The following SLC38A7 variants were observed in gnomAD, a reference collection of about 807,000 sequenced individuals.
SLC38A7 encodes the protein sodium-coupled neutral amino acid transporter 7.
A neutral mutation model predicts 50.1 loss-of-function variants in SLC38A7; 29 were observed. The ratio of observed to expected loss-of-function variants is 0.58; its 90% CI spans 0.43 to 0.79. The LOEUF (loss-of-function observed/expected upper bound fraction) is 0.79. SLC38A7 is among the 30% of genes least tolerant of loss of function. SLC38A7 has a pLI of 0.00. For missense variants in SLC38A7, 483 were observed against 610.6 expected, an observed-to-expected ratio of 0.79 and a Z score of 2.20; for synonymous variants, 244 against 245.9, an observed-to-expected ratio of 0.99 and a Z score of 0.07.
At position 58,675,949 on chromosome 16, in the gene SLC38A7, T is replaced by G. The variant is rs1452958448; in HGVS notation, c.874A>C (p.Met292Leu). Reference sequence around the variant, plus strand: ...GGGGGGGAGCACTCACCTGTCCCCATGTAGACAGCGAGGGCTATGACCATG... The same window carrying G: ...GGGGGGGAGCACTCACCTGTCCCCAGGTAGACAGCGAGGGCTATGACCATG... ...AAMVIALAVY[M>L]GTGICGFLTF... The change falls in exon 8 of 12, where the codon ATG becomes CTG. Residue 292 changes from methionine to leucine, a missense_variant. Met to Leu is a conservative substitution (Grantham distance 15). Coordinates refer to ENST00000219320, the MANE Select transcript of SLC38A7 (RefSeq NM_018231.3). 6.2e-7 allele frequency: 1 copy of G among 1,610,990 alleles called. No individual in the cohort carries two copies. The highest frequency in any genetic ancestry group is 8.5e-7 in the Non-Finnish European group (1 of 1,178,514).
chr16:58,671,238 C>T lies in SLC38A7; in HGVS notation c.1038G>A (p.Val346=), dbSNP rs374922123. The change falls in exon 10 of 12, where the codon GTG becomes GTA. Residue 346 remains valine (V), a synonymous_variant. Coordinates refer to ENST00000219320, the MANE Select transcript of SLC38A7 (RefSeq NM_018231.3). ...GGTAGCGCAGCCACAGGCCTTCCAC[C>T]ACCGCCCTGCCCACATGGAGAAGGG... is the stretch of plus-strand genomic sequence containing the variant. The part of the protein sequence containing the change: ...YPILHFCGRA[V]VEGLWLRYQG... The T allele has an allele frequency of 2.2e-5, 36 of 1,613,482 alleles. No homozygotes were observed. The highest frequency in any genetic ancestry group is 3.1e-5 in the Non-Finnish European group (36 of 1,179,780).
rs1017796822 is a variant in SLC38A7, at chr16:58,672,317, C to G, written c.884-74G>C. 27 of 1,454,088 alleles carry G rather than the reference C, an allele frequency of 1.9e-5. No individual in the cohort carries two copies. In the South Asian group the frequency reaches 2.1e-4, roughly 12 times the overall value. 90.1% of individuals were successfully genotyped at this position (1,454,088 alleles called of 1,614,324 possible). On this transcript the variant is annotated intron_variant, in intron 8 of 11. Coordinates refer to ENST00000219320, the MANE Select transcript of SLC38A7 (RefSeq NM_018231.3). ...GTGGACTGTCCACTCCTCCTAGGAG[C>G]AACATCAGCCTGGAGGCTGCAGCAG... is the stretch of plus-strand genomic sequence containing the variant.
chr16:58,675,925 G>GA lies in SLC38A7; in HGVS notation c.883+14_883+15insT. ...AGCACTCTAGTCCCAGGTCTTGGGG[G>GA]GGGGGAGCACTCACCTGTCCCCATG... On this transcript the variant is annotated intron_variant, in intron 8 of 11. Coordinates refer to ENST00000219320, the MANE Select transcript of SLC38A7 (RefSeq NM_018231.3). 1 of 1,589,294 alleles carries GA rather than the reference G, an allele frequency of 6.3e-7. No homozygotes were observed. Among genetic ancestry groups the GA allele is most frequent in the Non-Finnish European group, 8.6e-7 (1 of 1,163,902 alleles).
Position 58,665,951 on chromosome 16 carries a change from T to A in SLC38A7, c.*1434A>T, listed in dbSNP as rs917956561. 3 of 152,398 alleles carry A rather than the reference T, an allele frequency of 2.0e-5. No homozygotes were observed. The highest frequency in any genetic ancestry group is 7.2e-5 in the African/African-American group (3 of 41,448). 9.4% of individuals were successfully genotyped at this position (152,398 alleles called of 1,614,324 possible). ...TGAAGTGAGATGGGAGGTGAAGAGG[T>A]AACGGGGTGAGGGGGAAGGAAGGAG... On this transcript the variant is annotated 3_prime_UTR_variant, in exon 12 of 12. Coordinates refer to ENST00000219320, the MANE Select transcript of SLC38A7 (RefSeq NM_018231.3).
chr16:58,669,103 CTTTTTTTTTTTTTTTT>C (rs71155293), intron 11 of SLC38A7, among the ~76,000 whole-genome samples: 1 of 54,594 alleles, frequency 1.8e-5, no homozygotes, highest in Non-Finnish European at 3.1e-5. Context: ...GTTTGTATGG[CTTTTTTTTTTTTTTTT>C]TTTTTTTTTT....
chr16:58,681,755 T>G (rs2044392396), intron 2 of SLC38A7: 1 of 152,192 alleles, frequency 6.6e-6, no homozygotes. Flanking sequence ...ACTCAATAAA[T>G]GGTCACTGCT....
At chr16:58,670,212 C>T (rs775179420) in intron 10 of SLC38A7, 45 bp from the exon 11 acceptor site, 1 of 1,566,580 alleles carries the variant, frequency 6.4e-7, no homozygotes, top group Non-Finnish European at 8.8e-7. Context: ...GGGGAGAGGG[C>T]TCCCTCCCTC....
Position 58,678,853 on chromosome 16 carries a change from G to A in SLC38A7, c.312C>T (p.Ala104=). 1 of 1,614,116 alleles carries A rather than the reference G, an allele frequency of 6.2e-7. No individual in the cohort carries two copies. Among genetic ancestry groups the A allele is most frequent in the Non-Finnish European group, 8.5e-7 (1 of 1,180,048 alleles). ...TCTCATTGCTGGCCTGGGAGCAGTA[G>A]GCCAGGATGACAAGGCCACTGATGA... is the stretch of plus-strand genomic sequence containing the variant. ...VFIISGLVIL[A]YCSQASNERT... Residue 104 remains alanine, a synonymous_variant, in exon 4 of 12, where the codon GCC becomes GCT. Transcript: ENST00000219320. This position sits in a 1 kb window ranked among gnomAD's most constrained non-coding sequence, Gnocchi z 4.0.
chr16:58,667,639 G>A, intron 11 of SLC38A7, 152 bp from the exon 12 acceptor site: 1 of 570,254 alleles, frequency 1.8e-6, no homozygotes, highest in Non-Finnish European at 2.9e-6. Flanking sequence ...CAAAGGTAGT[G>A]TGGGGCCAGG....
At chr16:58,669,071 AT>A (rs919889078) in intron 11 of SLC38A7, among the ~76,000 whole-genome samples, 18 of 109,044 alleles carry the variant, frequency 1.7e-4, no homozygotes, top group African/African-American at 4.9e-4. Flanking sequence ...TGCCTGGCCA[AT>A]TTTTTTTCTT....
chr16:58,670,766 G>A (rs1249843056), intron 10 of SLC38A7, among the ~76,000 whole-genome samples: 1 of 152,238 alleles, frequency 6.6e-6, no homozygotes, highest in Non-Finnish European at 1.5e-5. Context: ...CCCAGACAGC[G>A]TGGGATGGAA....
At chr16:58,674,687 T>G (rs1035139921) in intron 8 of SLC38A7, among the ~76,000 whole-genome samples, 1 of 152,152 alleles carries the variant, frequency 6.6e-6, no homozygotes, top group African/African-American at 2.4e-5. Context: ...ACAGGCTTAT[T>G]TTCTGTCTCC....
intron 8 of SLC38A7, among the ~76,000 whole-genome samples, chr16:58,674,274 C>T (rs902616181): frequency 1.3e-5 from 2 of 152,060 alleles, no homozygotes; most frequent in African/African-American, 4.8e-5. Context: ...TGTCCCCTAA[C>T]ACTCATTTCT....
intron 3 of SLC38A7, 45 bp downstream of exon 3, chr16:58,679,812 C>T (rs1362760500): frequency 1.9e-6 from 3 of 1,609,350 alleles, no homozygotes; most frequent in South Asian, 1.1e-5. Context: ...TGAGGCAAAG[C>T]GCCCAACTGA....
chr16:58,670,254 G>A (rs1567469464), intron 10 of SLC38A7, 87 bp from the exon 11 acceptor site: 1 of 1,314,208 alleles, frequency 7.6e-7, no homozygotes, highest in Non-Finnish European at 1.1e-6. Flanking sequence ...AAGCAGTGCT[G>A]GATGGAGAAA....
At chr16:58,674,956 C>G (rs1314432574) in intron 8 of SLC38A7, among the ~76,000 whole-genome samples, 1 of 152,136 alleles carries the variant, frequency 6.6e-6, no homozygotes, top group East Asian at 1.9e-4. Flanking sequence ...TCCCAGCAGC[C>G]CTCGAGGCCC....
At chr16:58,679,438 T>A (rs1277706144) in intron 3 of SLC38A7, among the ~76,000 whole-genome samples, 2 of 152,162 alleles carry the variant, frequency 1.3e-5, no homozygotes, top group Non-Finnish European at 2.9e-5. Flanking sequence ...CATGTATCCA[T>A]CACTCAGCTT....
intron 6 of SLC38A7, among the ~76,000 whole-genome samples, chr16:58,676,952 C>G (rs1318521388): frequency 6.8e-6 from 1 of 146,394 alleles, no homozygotes; most frequent in Non-Finnish European, 1.5e-5. Context: ...TTGTGCCTGG[C>G]CCCCCCCCTT....
intron 2 of SLC38A7, 48 bp from the exon 3 acceptor site, chr16:58,680,289 C>A (rs1443514222): frequency 5.3e-6 from 4 of 749,230 alleles, no homozygotes; most frequent in Non-Finnish European, 7.6e-6. Context: ...GATGGGGGAA[C>A]TAGGGGACAA....
Sources: gnomAD v4.1 joint callset for allele counts (sites outside exome capture counted in the v4.1 genomes callset) on GRCh38, gnomAD v4.1.1 for gene constraint, Gnocchi (gnomAD v3.1) non-coding constraint, MANE v1.5 for transcripts, NCBI Gene and HGNC (gene_info 2026-07-23, HGNC 2026-07-21) for gene names.